Variants in WDR7 observed in about 807,000 individuals in gnomAD.
WDR7 encodes WD repeat domain 7.
In WDR7, 46 loss-of-function variants were observed where a neutral mutation model predicts 169.4. The observed-to-expected ratio is 0.27, with a 90% CI of 0.21 to 0.35. The LOEUF is 0.35. WDR7 is among the 10% of genes least tolerant of loss of function. The pLI is 1.00. For missense variants in WDR7, 1,534 were observed against 1,859.3 expected (o/e 0.83, Z 3.22); for synonymous variants, 612 against 666.8 (o/e 0.92, Z 1.27).
rs560612863 is a variant in WDR7, at chr18:56,962,670, A to G, written c.4164+141A>G. 31 of 754,258 alleles carry G rather than the reference A, an allele frequency of 4.1e-5. No individual in the cohort carries two copies. In the East Asian group the frequency reaches 8.5e-4, roughly 21 times the overall value. 46.7% of individuals were successfully genotyped at this position (754,258 alleles called of 1,614,324 possible). The stretch of plus-strand genomic sequence containing the variant: ...AAAGGGATCAATAGTTTAATGAAGG[A>G]CGCACAGAATATAGAGCCCTACTGT... On this transcript the variant is annotated intron_variant, in intron 26 of 27. Coordinates refer to ENST00000254442, the MANE Select transcript of WDR7 (RefSeq NM_015285.3).
intron 10 of WDR7, 80 bp downstream of exon 10, chr18:56,694,840 A>G: frequency 2.0e-6 from 3 of 1,531,308 alleles, no homozygotes; most frequent in Non-Finnish European, 2.6e-6. Context: ...TTCATAATGT[A>G]CATATATCAT....
intron 20 of WDR7, among the ~76,000 whole-genome samples, chr18:56,849,171 C>G (rs909617406): frequency 5.3e-5 from 8 of 152,142 alleles, no homozygotes; most frequent in Non-Finnish European, 1.0e-4. Flanking sequence ...TTCCTTCTAA[C>G]CTTGTGTAAT....
chr18:56,680,055 A>G (rs1046418431), intron 3 of WDR7, among the ~76,000 whole-genome samples: 3 of 152,120 alleles, frequency 2.0e-5, no homozygotes, highest in Non-Finnish European at 4.4e-5. Flanking sequence ...GAACTTGAAG[A>G]GAATTATATA....
rs1358749660 is a variant in WDR7 at position 56,691,647 on chromosome 18, G to C, written c.864-68G>C. 6 of 1,351,344 alleles carry C rather than the reference G, an allele frequency of 4.4e-6. No individual in the cohort carries two copies. In the African/African-American group the frequency reaches 8.9e-5, roughly 20 times the overall value. The allele number at this position is 1,351,344 out of a possible 1,614,324, so 83.7% of individuals were successfully genotyped here. A position where few individuals can be genotyped will look rare whatever the true frequency, so the allele number is the denominator to read the frequency against. The stretch of plus-strand genomic sequence containing the variant: ...TTTTTGTCCAATACCAACAAACCTT[G>C]TCATATGGAATTATAAAGTATTTAA... On this transcript the variant is annotated intron_variant, in intron 8 of 27. Coordinates refer to ENST00000254442, the MANE Select transcript of WDR7 (RefSeq NM_015285.3).
chr18:56,811,457 C>G (rs1050007408), intron 19 of WDR7, among the ~76,000 whole-genome samples: 2 of 152,068 alleles, frequency 1.3e-5, no homozygotes, highest in Admixed American at 6.6e-5. Flanking sequence ...TTTTCATCTT[C>G]TTAATAGGGC....
chr18:56,827,914 T>G (rs1335626963), intron 20 of WDR7, among the ~76,000 whole-genome samples: 1 of 152,162 alleles, frequency 6.6e-6, no homozygotes, highest in African/African-American at 2.4e-5. Flanking sequence ...AATGAGATGA[T>G]GCATGGAATG....
intron 25 of WDR7, among the ~76,000 whole-genome samples, chr18:56,952,509 AATT>A (rs1172099582): frequency 1.8e-4 from 27 of 152,194 alleles, no homozygotes; most frequent in African/African-American, 6.5e-4. Flanking sequence ...CCTTCCTAAA[AATT>A]CTTTGAAATA....
chr18:56,671,064 T>G (rs997816368), intron 1 of WDR7, among the ~76,000 whole-genome samples: 2 of 152,206 alleles, frequency 1.3e-5, no homozygotes, highest in African/African-American at 4.8e-5. Context: ...TCATATGTGC[T>G]CTCCTGCAAG....
chr18:56,699,958 C>G (rs2025785985), intron 12 of WDR7: 1 of 852,760 alleles, frequency 1.2e-6, no homozygotes, highest in South Asian at 5.4e-5. Context: ...CATTTTTGAG[C>G]TGTTTTTAAT....
intron 5 of WDR7, among the ~76,000 whole-genome samples, chr18:56,684,981 C>A (rs768572797): frequency 6.6e-6 from 1 of 152,216 alleles, no homozygotes; most frequent in African/African-American, 2.4e-5. Context: ...TAAAACAGAT[C>A]TGTATTTGTG....
At chr18:56,738,485 G>A (rs1568167052) in intron 14 of WDR7, among the ~76,000 whole-genome samples, 2 of 152,148 alleles carry the variant, frequency 1.3e-5, no homozygotes, top group South Asian at 2.1e-4. Flanking sequence ...TTGAGCCCAG[G>A]AGGTTGAGGC....
chr18:56,730,680 G>T (rs1165190598), intron 13 of WDR7, among the ~76,000 whole-genome samples: 1 of 152,088 alleles, frequency 6.6e-6, no homozygotes, highest in Admixed American at 6.5e-5. Flanking sequence ...ACAGGAGAAT[G>T]ATGTGAACCC....
intron 20 of WDR7, among the ~76,000 whole-genome samples, chr18:56,824,524 C>T (rs1214232978): frequency 6.6e-6 from 1 of 152,198 alleles, no homozygotes; most frequent in Non-Finnish European, 1.5e-5. Context: ...TCAAGCAGCA[C>T]TCCTTATACA....
At chr18:56,792,901 G>A (rs974565850) in intron 19 of WDR7, among the ~76,000 whole-genome samples, 2 of 152,050 alleles carry the variant, frequency 1.3e-5, no homozygotes, top group Non-Finnish European at 2.9e-5. Context: ...TTGTCATGCG[G>A]GACAACTTTT....
chr18:56,799,132 A>G (rs2145150648), intron 19 of WDR7, among the ~76,000 whole-genome samples: 1 of 152,330 alleles, frequency 6.6e-6, no homozygotes, highest in East Asian at 1.9e-4. Context: ...AAGAACTATT[A>G]TAGAGATGGT....
rs1461143310 is a variant in WDR7, at chr18:56,880,081, A to C, written c.3442A>C (p.Thr1148Pro). Residue 1148 changes from threonine to proline, a missense_variant, in exon 21 of 28, where the codon ACC becomes CCC. Transcript: ENST00000254442. ...TGAAATTGAACCTCCTAAACTATTGACCAGACCTCGAAGCTCTAGCCAAAT... is the reference window on the plus strand; with the variant it reads ...TGAAATTGAACCTCCTAAACTATTGCCCAGACCTCGAAGCTCTAGCCAAAT... ...GAEIEPPKLL[T>P]RPRSSSQIPE... 1.9e-6 allele frequency: 3 copies of C among 1,613,988 alleles called. No individual in the cohort carries two copies. In the African/African-American group the frequency reaches 4.0e-5, roughly 22 times the overall value.
Position 56,660,895 on chromosome 18 carries a change from C to T in WDR7, c.-20+9319C>T, listed in dbSNP as rs1395676543. On this transcript the variant is annotated intron_variant, in intron 1 of 27. Coordinates refer to ENST00000254442, the MANE Select transcript of WDR7 (RefSeq NM_015285.3). ...TGTCAAGGGCAGTTTTTGTGACAGG[C>T]AGAGCAGGAGGAGGGTAATGTTACA... Among the ~76,000 whole-genome samples, 15 of 152,166 alleles carry T rather than the reference C, an allele frequency of 9.9e-5. No homozygotes were observed. The East Asian group carries it at 2.9e-3, about 29-fold the overall frequency.
rs571014378 is a variant in WDR7, at chr18:56,816,135, A to G, written c.3295A>G (p.Ile1099Val). 8.7e-5 allele frequency: 141 copies of G among 1,613,020 alleles called. No homozygotes were observed. In the Admixed American group the frequency reaches 2.2e-3, roughly 25 times the overall value. ...AGAGCATGACCTTGTTGACGATGAC[A>G]TCACCACTGGTAAGCACAGACATCT... ...EEEHDLVDDD[I>V]TTGCLSSVPQ... Residue 1099 changes from isoleucine to valine, a missense_variant, in exon 20 of 28, where the codon ATC becomes GTC. Physicochemically the swap from Ile to Val is conservative, Grantham distance 29 (BLOSUM62 3). Transcript: ENST00000254442.
At chr18:56,875,071 C>T (rs1293176938) in intron 20 of WDR7, among the ~76,000 whole-genome samples, 1 of 152,122 alleles carries the variant, frequency 6.6e-6, no homozygotes, top group Non-Finnish European at 1.5e-5. Flanking sequence ...TGCCTTTCAG[C>T]ACAGCTAAAC....
Sources: gnomAD v4.1 joint callset for allele counts (sites outside exome capture counted in the v4.1 genomes callset) on GRCh38, gnomAD v4.1.1 for gene constraint, MANE v1.5 for transcripts, NCBI Gene and HGNC (gene_info 2026-07-23, HGNC 2026-07-21) for gene names.